Variants in ZMAT3 observed in about 807,000 individuals in gnomAD.
ZMAT3 encodes zinc finger matrin-type 3, also known as zinc finger matrin-type protein 3.
Under a neutral mutation model 32.3 loss-of-function variants are expected in ZMAT3, and 17 were observed. The observed-to-expected ratio is 0.53, with a 90% CI of 0.36 to 0.79. The LOEUF is 0.79. Among genes scored for constraint, ZMAT3 ranks in the 30% least tolerant of loss-of-function variants. The pLI, the probability that ZMAT3 is intolerant of heterozygous loss-of-function variation, is 0.00. For synonymous variants in ZMAT3, 120 were observed against 133.1 expected (o/e 0.90, Z 0.68); for missense variants, 329 against 359.7 (o/e 0.91, Z 0.69).
At position 179,019,376 on chromosome 3, in the gene ZMAT3, C is replaced by T. The variant is rs748101222; in HGVS notation, c.*5641G>A. 2.6e-5 allele frequency: 4 copies of T among 151,750 alleles called. No homozygotes were observed. Among genetic ancestry groups the T allele is most frequent in the African/African-American group, 9.7e-5 (4 of 41,264 alleles). The allele number at this position is 151,750 out of a possible 1,614,324, so 9.4% of individuals were successfully genotyped here. On this transcript the variant is annotated 3_prime_UTR_variant, in exon 6 of 6. Coordinates refer to ENST00000311417, the MANE Select transcript of ZMAT3 (RefSeq NM_022470.4). ...AATACTAAACCTTAATTAATGACACCCATGCTAAGAATTTAGGGCAGTGTA... is the reference window on the plus strand; with the variant it reads ...AATACTAAACCTTAATTAATGACACTCATGCTAAGAATTTAGGGCAGTGTA...
intron 5 of ZMAT3, among the ~76,000 whole-genome samples, chr3:179,026,312 T>C (rs1718864332): frequency 6.6e-6 from 1 of 151,860 alleles, no homozygotes; most frequent in African/African-American, 2.4e-5. Flanking sequence ...TTTTGGACTT[T>C]GGTAATTTTA....
chr3:179,048,501 C>G (rs1720366262), intron 2 of ZMAT3, among the ~76,000 whole-genome samples: 1 of 152,214 alleles, frequency 6.6e-6, no homozygotes, highest in Non-Finnish European at 1.5e-5. Flanking sequence ...GACTGGGGTC[C>G]TATCTTTAGC....
intron 2 of ZMAT3, among the ~76,000 whole-genome samples, chr3:179,032,445 G>A (rs991474500): frequency 7.9e-5 from 12 of 151,888 alleles, no homozygotes; most frequent in East Asian, 3.9e-4. Context: ...AGTGAGGAGC[G>A]TCTCTGCCTG....
intron 2 of ZMAT3, among the ~76,000 whole-genome samples, chr3:179,051,288 A>G (rs1720542131): frequency 1.3e-5 from 2 of 152,220 alleles, no homozygotes; most frequent in South Asian, 4.1e-4. Context: ...AATTCAGCAA[A>G]GTTTTAGGAT....
chr3:179,057,872 C>G (rs1720933141), intron 2 of ZMAT3, among the ~76,000 whole-genome samples: 1 of 152,196 alleles, frequency 6.6e-6, no homozygotes, highest in Non-Finnish European at 1.5e-5. Context: ...ACTCAGAAAG[C>G]CAATACCCAT....
chr3:179,058,239 AC>A (rs1379931044), intron 2 of ZMAT3, among the ~76,000 whole-genome samples: 1 of 152,220 alleles, frequency 6.6e-6, no homozygotes, highest in Non-Finnish European at 1.5e-5. Context: ...CTGTCAGACA[AC>A]CGTTTACTTA....
At position 179,018,509 on chromosome 3, in the gene ZMAT3, T is replaced by C. The variant is rs1299529000; in HGVS notation, c.*6508A>G. ...TCCCTCCAAGGGCCCAAAGGAAGTG[T>C]TCAGTTACTTTGGAAGCCATGAATT... On this transcript the variant is annotated 3_prime_UTR_variant, in exon 6 of 6. Transcript: ENST00000311417. 1 of 152,056 alleles carries C rather than the reference T, an allele frequency of 6.6e-6. No individual in the cohort carries two copies. The highest frequency in any genetic ancestry group is 2.4e-5 in the African/African-American group (1 of 41,404). 9.4% of individuals were successfully genotyped at this position (152,056 alleles called of 1,614,324 possible). A position where few individuals can be genotyped will look rare whatever the true frequency, so the allele number is the denominator to read the frequency against.
chr3:179,034,585 T>C (rs1206962089), intron 2 of ZMAT3, among the ~76,000 whole-genome samples: 1 of 152,230 alleles, frequency 6.6e-6, no homozygotes, highest in African/African-American at 2.4e-5. Flanking sequence ...CCCCAAATCA[T>C]CAATCTCCAT....
upstream of ZMAT3, chr3:179,071,872 T>A (rs2108597578): frequency 6.6e-6 from 1 of 152,550 alleles, no homozygotes; most frequent in South Asian, 2.1e-4. Context: ...CCACTGCGCA[T>A]GTGCTTGGCG....
intron 2 of ZMAT3, among the ~76,000 whole-genome samples, chr3:179,058,747 C>T (rs1176317636): frequency 7.2e-6 from 1 of 138,190 alleles, no homozygotes; most frequent in African/African-American, 2.8e-5. Context: ...CAGAGCGAGA[C>T]TCCGTCTCAA....
chr3:179,031,948 CCT>C (rs1719235803), intron 2 of ZMAT3, among the ~76,000 whole-genome samples: 2 of 3,376 alleles, frequency 5.9e-4, no homozygotes, highest in Non-Finnish European at 1.1e-3. Context: ...TCCCCCTCCC[CCT>C]CCCCCTCCCC....
intron 5 of ZMAT3, 100 bp from the exon 6 acceptor site, chr3:179,025,328 A>G: frequency 9.8e-7 from 1 of 1,017,486 alleles, no homozygotes; most frequent in Non-Finnish European, 1.4e-6. Context: ...TTCAAATTAT[A>G]AAATTCACAG....
chr3:179,053,043 G>A (rs563114948), intron 2 of ZMAT3, among the ~76,000 whole-genome samples: 51 of 152,090 alleles, frequency 3.4e-4, no homozygotes, highest in African/African-American at 6.3e-4. Context: ...CAGGAGAATC[G>A]CTTGAGCCCA....
At chr3:179,070,066 T>C (rs900968160) in intron 1 of ZMAT3, among the ~76,000 whole-genome samples, 7 of 152,128 alleles carry the variant, frequency 4.6e-5, no homozygotes, top group Non-Finnish European at 1.0e-4. Context: ...GAAAAGCTAC[T>C]GATGTCAAAT....
chr3:179,027,266 G>A (rs902053413), intron 5 of ZMAT3, among the ~76,000 whole-genome samples, 157 bp downstream of exon 5: 5 of 151,990 alleles, frequency 3.3e-5, no homozygotes. Context: ...AATGAGACCT[G>A]AAATACACAC....
intron 2 of ZMAT3, among the ~76,000 whole-genome samples, chr3:179,052,137 T>C (rs904381068): frequency 6.6e-6 from 1 of 152,012 alleles, no homozygotes; most frequent in African/African-American, 2.4e-5. Flanking sequence ...AAGATAAAGA[T>C]AAATAGATGA....
chr3:179,061,112 G>A (rs1390580310), intron 2 of ZMAT3, among the ~76,000 whole-genome samples: 1 of 151,796 alleles, frequency 6.6e-6, no homozygotes, highest in African/African-American at 2.4e-5. Context: ...TCCTTAATGT[G>A]ACAATATACT....
chr3:179,034,794 G>A lies in ZMAT3; in HGVS notation c.271-3795C>T, dbSNP rs555052759. On this transcript the variant is annotated intron_variant, in intron 2 of 5. Coordinates refer to ENST00000311417, the MANE Select transcript of ZMAT3 (RefSeq NM_022470.4). ...CAAAATTACCCAAGAAAAGCCAAGG[G>A]GTCCTTTTCCTGATTCCATCCTTCC... Among the ~76,000 whole-genome samples, 7 of 152,150 alleles carry A rather than the reference G, an allele frequency of 4.6e-5. No individual in the cohort carries two copies. The South Asian group carries it at 1.2e-3, about 27-fold the overall frequency.
At chr3:179,055,623 C>T (rs745940327) in intron 2 of ZMAT3, among the ~76,000 whole-genome samples, 41 of 152,110 alleles carry the variant, frequency 2.7e-4, no homozygotes, top group Non-Finnish European at 4.6e-4. Flanking sequence ...GAGGAGAATT[C>T]GGCCCAGCCA....
Sources: gnomAD v4.1 joint callset for allele counts (sites outside exome capture counted in the v4.1 genomes callset) on GRCh38, gnomAD v4.1.1 for gene constraint, MANE v1.5 for transcripts, NCBI Gene and HGNC (gene_info 2026-07-23, HGNC 2026-07-21) for gene names.